Variants in STAB2 observed in about 807,000 individuals in gnomAD.
STAB2 encodes stabilin 2.
Under a neutral mutation model 338.1 loss-of-function variants are expected in STAB2, and 288 were observed. The observed-to-expected ratio is 0.85, with a 90% CI of 0.77 to 0.94. STAB2 has a LOEUF of 0.94. STAB2 is among the 40% of genes least tolerant of loss of function. The pLI is 0.00. For synonymous variants in STAB2, 1,202 were observed against 1,193.3 expected (o/e 1.01, Z -0.15); for missense variants, 3,141 against 3,210.1 (o/e 0.98, Z 0.52).
chr12:103,708,346 A>G, intron 38 of STAB2, 95 bp from the exon 39 acceptor site: 1 of 1,233,360 alleles, frequency 8.1e-7, no homozygotes, highest in Non-Finnish European at 1.2e-6. Context: ...AGTAGGTTGG[A>G]GAATTAAGTG....
At chr12:103,634,272 A>G (rs1056636501) in intron 6 of STAB2, among the ~76,000 whole-genome samples, 3 of 152,232 alleles carry the variant, frequency 2.0e-5, no homozygotes, top group Non-Finnish European at 2.9e-5. Flanking sequence ...ACAGAGATAC[A>G]TCTGTCAGAT....
rs697210 is a variant in STAB2, at chr12:103,699,218, T to C, written c.3705T>C (p.His1235=). The C allele has an allele frequency of 0.3, 486,807 of 1,610,946 alleles. 74,835 individuals carry two copies. The highest frequency in any genetic ancestry group is 0.4 in the African/African-American group (29,788 of 74,854). The change falls in exon 34 of 69, where the codon CAT becomes CAC. Residue 1235 remains histidine (H), a synonymous_variant. Coordinates refer to ENST00000388887, the MANE Select transcript of STAB2 (RefSeq NM_017564.10). ...CCTATTTCCTTAGCTTCTTTCTCCA[T>C]AATGACCAGGTACGATCCTTTTATG... ...GFSYFLSFFL[H]NDQLYVNEAP...
chr12:103,715,225 C>A (rs1343993106), intron 42 of STAB2, among the ~76,000 whole-genome samples: 2 of 152,158 alleles, frequency 1.3e-5, no homozygotes, highest in Non-Finnish European at 2.9e-5. Context: ...TCTCAGGGAA[C>A]CTTGAGCTCT....
Position 103,687,333 on chromosome 12 carries a change from TA to T in STAB2, c.2998-823del, listed in dbSNP as rs879795588. Among the ~76,000 whole-genome samples the T allele has an allele frequency of 6.8e-3, 985 of 145,036 alleles. 8 individuals are homozygous for T. The highest frequency in any genetic ancestry group is 0.02 in the African/African-American group (788 of 39,766). On this transcript the variant is annotated intron_variant, in intron 27 of 68. Coordinates refer to ENST00000388887, the MANE Select transcript of STAB2 (RefSeq NM_017564.10). ...TTAATAACTCTGTGTTTAGAGACAT[TA>T]AAAAAAAAAAACTATAACGCCTTCA...
chr12:103,712,716 A>G (rs1879977567), intron 41 of STAB2, among the ~76,000 whole-genome samples: 1 of 152,190 alleles, frequency 6.6e-6, no homozygotes, highest in Admixed American at 6.5e-5. Flanking sequence ...GGATATGCTA[A>G]TTACCCTCAT....
At chr12:103,653,793 T>C (rs550861811) in intron 12 of STAB2, among the ~76,000 whole-genome samples, 23 of 144,876 alleles carry the variant, frequency 1.6e-4, no homozygotes, top group African/African-American at 5.8e-4. Flanking sequence ...CATGGATAGG[T>C]CACTGAACAG....
At chr12:103,713,612 C>G (rs1305215964) in intron 41 of STAB2, 31 bp from the exon 42 acceptor site, 1 of 1,610,870 alleles carries the variant, frequency 6.2e-7, no homozygotes, top group Non-Finnish European at 8.5e-7. Context: ...GCCCTTCCCT[C>G]TCCCCTTCTG....
At chr12:103,704,188 G>A (rs987801132) in intron 35 of STAB2, among the ~76,000 whole-genome samples, 3 of 152,214 alleles carry the variant, frequency 2.0e-5, no homozygotes, top group African/African-American at 7.2e-5. Context: ...TCTCCATGCT[G>A]AACCCCTCAT....
chr12:103,706,748 C>T, intron 37 of STAB2, 44 bp from the exon 38 acceptor site: 1 of 1,610,684 alleles, frequency 6.2e-7, no homozygotes, highest in Non-Finnish European at 8.5e-7. Context: ...TGGACAACAC[C>T]AGAGGATAGA....
intron 3 of STAB2, among the ~76,000 whole-genome samples, chr12:103,614,133 A>G (rs73187878): frequency 1.1e-3 from 165 of 152,290 alleles, no homozygotes; most frequent in Middle Eastern, 6.8e-3. Context: ...TTCCCTCAGT[A>G]TTTATGCCTA....
At chr12:103,727,213 G>A (rs968115009) in intron 46 of STAB2, 54 bp from the exon 47 acceptor site, 35 of 1,594,216 alleles carry the variant, frequency 2.2e-5, no homozygotes, top group Admixed American at 3.3e-5. Flanking sequence ...TTTGAGCCCC[G>A]GCATGTATTG....
chr12:103,683,096 AG>A, intron 25 of STAB2, 108 bp from the exon 26 acceptor site: 1 of 858,532 alleles, frequency 1.2e-6, no homozygotes, highest in Admixed American at 2.4e-5. Context: ...TCTCTGGGAC[AG>A]CCAAGCAGCT....
At chr12:103,756,108 G>T (rs1488471096) in intron 63 of STAB2, among the ~76,000 whole-genome samples, 2 of 152,172 alleles carry the variant, frequency 1.3e-5, no homozygotes, top group East Asian at 3.9e-4. Context: ...CTACACAAAT[G>T]AGACACTCTT....
chr12:103,678,236 C>G (rs988119530), intron 25 of STAB2, among the ~76,000 whole-genome samples: 4 of 152,200 alleles, frequency 2.6e-5, no homozygotes, highest in African/African-American at 9.7e-5. Flanking sequence ...TACAGTTTCT[C>G]ACTTTTATGT....
intron 68 of STAB2, among the ~76,000 whole-genome samples, chr12:103,764,870 G>A (rs1884806198): frequency 6.6e-6 from 1 of 152,146 alleles, no homozygotes; most frequent in South Asian, 2.1e-4. Context: ...GGCCAAGGCA[G>A]GTGGATCACC....
chr12:103,601,982 T>G (rs1175090689), intron 3 of STAB2, among the ~76,000 whole-genome samples: 1 of 152,232 alleles, frequency 6.6e-6, no homozygotes, highest in Admixed American at 6.5e-5. Context: ...TTTATTATCA[T>G]GATTTGCATA....
chr12:103,732,878 C>A, intron 50 of STAB2, 128 bp from the exon 51 acceptor site: 1 of 1,070,634 alleles, frequency 9.3e-7, no homozygotes. Context: ...GCTGCATCAC[C>A]CTTGAACCAT....
At chr12:103,682,501 C>T (rs545080206) in intron 25 of STAB2, among the ~76,000 whole-genome samples, 1 of 152,234 alleles carries the variant, frequency 6.6e-6, no homozygotes, top group African/African-American at 2.4e-5. Flanking sequence ...AAGTGCCTTA[C>T]AGGCTAGCAA....
At position 103,677,518 on chromosome 12, in the gene STAB2, T is replaced by C. The variant is rs777556994; in HGVS notation, c.2712T>C (p.Asn904=). Residue 904 remains asparagine, a synonymous_variant, in exon 25 of 69, where the codon AAT becomes AAC. Transcript: ENST00000388887. ...TCVCQQGWTG[N]GRDCSEINNC... is the part of the protein sequence containing the mutation. ...TGTGTCAGCAGGGTTGGACAGGGAATGGGAGAGACTGCTCGGAGATCAACA... is the reference window on the plus strand; with the variant it reads ...TGTGTCAGCAGGGTTGGACAGGGAACGGGAGAGACTGCTCGGAGATCAACA... The C allele has an allele frequency of 3.1e-6, 5 of 1,614,104 alleles. No individual in the cohort carries two copies. The Admixed American group carries it at 8.3e-5, about 27-fold the overall frequency.
Sources: gnomAD v4.1 joint callset for allele counts (sites outside exome capture counted in the v4.1 genomes callset) on GRCh38, gnomAD v4.1.1 for gene constraint, MANE v1.5 for transcripts, NCBI Gene and HGNC (gene_info 2026-07-23, HGNC 2026-07-21) for gene names.